SIPA1L3: variants seen among roughly 807,000 people sequenced by gnomAD.
The protein encoded by SIPA1L3 is signal induced proliferation associated 1 like 3.
A neutral mutation model predicts 150.1 loss-of-function variants in SIPA1L3; 59 were observed. The ratio of observed to expected loss-of-function variants is 0.39; its 90% confidence interval spans 0.32 to 0.49. SIPA1L3 has a LOEUF of 0.49. Among genes scored for constraint, SIPA1L3 ranks in the 20% least tolerant of loss-of-function variants. SIPA1L3 has a pLI of 0.86. For missense variants in SIPA1L3, 2,211 were observed against 2,489.5 expected, an observed-to-expected ratio of 0.89 and a Z score of 2.38; for synonymous variants, 1,070 against 1,077.6, an observed-to-expected ratio of 0.99 and a Z score of 0.14.
intron 1 of SIPA1L3, among the ~76,000 whole-genome samples, chr19:37,969,310 G>A: frequency 6.6e-6 from 1 of 152,158 alleles, no homozygotes; most frequent in East Asian, 1.9e-4. Context: ...CCAGCACTTT[G>A]GGAGGCCAAG....
intron 1 of SIPA1L3, among the ~76,000 whole-genome samples, chr19:38,023,321 G>A (rs192725212): frequency 1.6e-4 from 25 of 152,314 alleles, no homozygotes; most frequent in African/African-American, 1.2e-4. Flanking sequence ...AACCTTAGTC[G>A]TGTTTGTAGA....
intron 8 of SIPA1L3, among the ~76,000 whole-genome samples, chr19:38,117,879 A>G (rs541603141): frequency 4.6e-5 from 7 of 151,950 alleles, no homozygotes; most frequent in Non-Finnish European, 1.0e-4. Flanking sequence ...TCCGCCTCCT[A>G]GATTCAAGTG....
intron 3 of SIPA1L3, among the ~76,000 whole-genome samples, chr19:38,085,495 A>T (rs576717372): frequency 2.0e-4 from 31 of 152,170 alleles, no homozygotes; most frequent in Admixed American, 1.5e-3. Context: ...AAAAAAAAAA[A>T]AAAAGAAGTT....
chr19:38,077,667 T>TTTTC (rs1969874282), intron 2 of SIPA1L3, among the ~76,000 whole-genome samples: 1 of 68,914 alleles, frequency 1.5e-5, no homozygotes, highest in Admixed American at 1.4e-4. Context: ...TTTTCTTTTT[T>TTTTC]TTTTTTTTTT....
At chr19:38,139,832 C>T (rs1263354466) in intron 10 of SIPA1L3, among the ~76,000 whole-genome samples, 2 of 152,134 alleles carry the variant, frequency 1.3e-5, no homozygotes, top group Admixed American at 6.5e-5. Context: ...CATGATGGGG[C>T]CTTGAATGCT....
At chr19:38,165,732 G>A (rs1057259330) in intron 15 of SIPA1L3, among the ~76,000 whole-genome samples, 90 of 152,220 alleles carry the variant, frequency 5.9e-4, no homozygotes, top group Non-Finnish European at 7.9e-4. Flanking sequence ...TCAATAGGTC[G>A]GAGCGGGAGA....
intron 7 of SIPA1L3, among the ~76,000 whole-genome samples, chr19:38,106,914 A>G (rs1600079882): frequency 6.6e-6 from 1 of 152,042 alleles, no homozygotes; most frequent in South Asian, 2.1e-4. Context: ...ACTGGTCTTA[A>G]GAAGAAGAGT....
intron 1 of SIPA1L3, among the ~76,000 whole-genome samples, chr19:37,953,199 A>C (rs1023049734): frequency 6.6e-6 from 1 of 152,200 alleles, no homozygotes; most frequent in Non-Finnish European, 1.5e-5. Flanking sequence ...GATCCTTCTC[A>C]AATGAATGAA....
chr19:38,016,361 C>A (rs1968230689), intron 1 of SIPA1L3, among the ~76,000 whole-genome samples: 1 of 152,220 alleles, frequency 6.6e-6, no homozygotes, highest in African/African-American at 2.4e-5. Flanking sequence ...CGAATCAAAA[C>A]ATAGTCAGTA....
intron 10 of SIPA1L3, 102 bp from the exon 11 acceptor site, chr19:38,141,082 A>G (rs1476618002): frequency 2.2e-6 from 2 of 891,528 alleles, no homozygotes; most frequent in Non-Finnish European, 3.2e-6. Flanking sequence ...AAAAAAAAAA[A>G]GCCATCCCGG....
At chr19:38,053,648 C>G (rs984052777) in intron 2 of SIPA1L3, among the ~76,000 whole-genome samples, 5 of 152,080 alleles carry the variant, frequency 3.3e-5, no homozygotes, top group Non-Finnish European at 5.9e-5. Context: ...CTTCACAGTC[C>G]TGGGCTCAAG....
chr19:38,044,320 G>T (rs1628258), intron 2 of SIPA1L3, among the ~76,000 whole-genome samples: 133,298 of 151,932 alleles, frequency 0.88, 58,492 homozygotes, highest in East Asian at 0.94. Context: ...GAGGTCCAGG[G>T]GGGAGAAGGA....
intron 1 of SIPA1L3, among the ~76,000 whole-genome samples, chr19:38,010,764 G>A (rs1202095258): frequency 1.3e-5 from 2 of 152,112 alleles, no homozygotes; most frequent in Admixed American, 1.3e-4. Context: ...CAGGCTGCCT[G>A]GATGGAGCCT....
chr19:38,137,700 G>T (rs1192689320), intron 10 of SIPA1L3, among the ~76,000 whole-genome samples: 2 of 152,004 alleles, frequency 1.3e-5, no homozygotes, highest in Non-Finnish European at 2.9e-5. Context: ...GTGTTGCCCA[G>T]GCTGGCCTTG....
chr19:38,136,968 A>G (rs1160120305), intron 10 of SIPA1L3, among the ~76,000 whole-genome samples: 2 of 152,206 alleles, frequency 1.3e-5, no homozygotes, highest in African/African-American at 4.8e-5. Flanking sequence ...CAACTGCATC[A>G]GCTCTGATTT....
rs1969984980 is a variant in SIPA1L3 at position 38,081,707 on chromosome 19, C to G, written c.142C>G (p.Gln48Glu). ...GFWAQNGSMS[Q>E]PLGESPATAT... is the part of the protein sequence containing the mutation. ...CTGGGCCCAGAATGGCAGCATGTCC[C>G]AGCCTCTTGGCGAGAGCCCGGCCAC... The change falls in exon 3 of 22, where the codon CAG becomes GAG. Residue 48 changes from glutamine (Q) to glutamate (E), a missense_variant. Gln to Glu is a conservative substitution (Grantham distance 29, BLOSUM62 2). Coordinates refer to ENST00000222345, the MANE Select transcript of SIPA1L3 (RefSeq NM_015073.3). 1 of 1,610,258 alleles carries G rather than the reference C, an allele frequency of 6.2e-7. No individual in the cohort carries two copies. Among genetic ancestry groups the G allele is most frequent in the Non-Finnish European group, 8.5e-7 (1 of 1,179,320 alleles).
intron 1 of SIPA1L3, among the ~76,000 whole-genome samples, chr19:37,935,384 A>C (rs1056940249): frequency 6.6e-6 from 1 of 152,174 alleles, no homozygotes; most frequent in Non-Finnish European, 1.5e-5. Flanking sequence ...TTCAGGTGGC[A>C]CTTTAGTTAG....
In SIPA1L3 at chr19:38,081,703, G is replaced by A. The variant is rs772688597; in HGVS notation, c.138G>A (p.Met46Ile). ...PLGFWAQNGS[M>I]SQPLGESPAT... ...GATTCTGGGCCCAGAATGGCAGCAT[G>A]TCCCAGCCTCTTGGCGAGAGCCCGG... Residue 46 changes from methionine to isoleucine, a missense_variant, in exon 3 of 22, where the codon ATG becomes ATA. Physicochemically the swap from Met to Ile is conservative, Grantham distance 10. Around this residue, in one of 5 missense-constraint regions of SIPA1L3, gnomAD observed 130 missense variants for 174.5 expected, o/e 0.74. Transcript: ENST00000222345. 2.1e-5 allele frequency: 34 copies of A among 1,610,718 alleles called. No individual in the cohort carries two copies. The highest frequency in any genetic ancestry group is 2.7e-5 in the Non-Finnish European group (32 of 1,179,482).
intron 1 of SIPA1L3, among the ~76,000 whole-genome samples, chr19:37,947,275 G>T (rs940567375): frequency 6.6e-6 from 1 of 151,858 alleles, no homozygotes; most frequent in Non-Finnish European, 1.5e-5. Flanking sequence ...GGATCACAAG[G>T]TCAGGAGATC....
Sources: allele counts gnomAD v4.1 joint callset (sites outside exome capture counted in the v4.1 genomes callset), GRCh38; gene constraint gnomAD v4.1.1; regional missense constraint gnomAD v4.1.1; transcripts MANE v1.5; gene names NCBI Gene and HGNC (gene_info 2026-07-23, HGNC 2026-07-21).